MDGA2: variants seen among roughly 807,000 people sequenced by gnomAD.
The protein encoded by MDGA2 is MAM domain-containing glycosylphosphatidylinositol anchor protein 2.
Under a neutral mutation model 117.8 loss-of-function variants are expected in MDGA2, and 40 were observed. The ratio of observed to expected loss-of-function variants is 0.34; its 90% CI spans 0.26 to 0.44. The LOEUF is 0.44. MDGA2 is among the 20% of genes least tolerant of loss of function. MDGA2 has a pLI of 1.00. For synonymous variants in MDGA2, 452 were observed against 439.0 expected (o/e 1.03, Z -0.37); for missense variants, 1,123 against 1,250.6 (o/e 0.90, Z 1.54).
At chr14:47,580,215 G>A (rs1035460487) in intron 1 of MDGA2, among the ~76,000 whole-genome samples, 6 of 151,926 alleles carry the variant, frequency 3.9e-5, no homozygotes, top group Admixed American at 6.6e-5. Flanking sequence ...TATTGCTTAC[G>A]TTTCTGAGGC....
intron 3 of MDGA2, among the ~76,000 whole-genome samples, chr14:47,153,929 A>G (rs146522426): frequency 1.3e-5 from 2 of 152,294 alleles, no homozygotes; most frequent in East Asian, 3.9e-4. Flanking sequence ...GACCTTTGCC[A>G]GAGTTGTGTC....
intron 1 of MDGA2, among the ~76,000 whole-genome samples, chr14:47,507,354 A>G (rs1894534509): frequency 6.6e-6 from 1 of 152,198 alleles, no homozygotes; most frequent in South Asian, 2.1e-4. Context: ...TGATTTAAAC[A>G]TTCAGAAGAT....
chr14:47,112,361 T>C (rs1309605153), intron 5 of MDGA2, among the ~76,000 whole-genome samples: 2 of 152,176 alleles, frequency 1.3e-5, no homozygotes, highest in Non-Finnish European at 2.9e-5. Context: ...GTATTAAGCC[T>C]GGCATTCATT....
At chr14:47,392,276 T>G (rs1273974842) in intron 1 of MDGA2, among the ~76,000 whole-genome samples, 1 of 152,120 alleles carries the variant, frequency 6.6e-6, no homozygotes, top group Non-Finnish European at 1.5e-5. Flanking sequence ...TAGAAATCAT[T>G]AACTTTTATC....
rs556784596 is a variant in MDGA2, at chr14:47,218,298, T to C, written c.421-103A>G. On this transcript the variant is annotated intron_variant, in intron 2 of 16. Transcript: ENST00000399232. Reference sequence around the variant, plus strand: ...AGAGTTTGCATTTAGAGCTGCTACATTGCCTCTCCCATCAAATTATTGAAG... The same window carrying C: ...AGAGTTTGCATTTAGAGCTGCTACACTGCCTCTCCCATCAAATTATTGAAG... 109 of 948,838 alleles carry C rather than the reference T, an allele frequency of 1.1e-4. No homozygotes were observed. In the African/African-American group the frequency reaches 1.4e-3, roughly 12 times the overall value. The allele number at this position is 948,838 out of a possible 1,614,324, so 58.8% of individuals were successfully genotyped here.
At chr14:47,645,449 T>G (rs1003164940) in intron 1 of MDGA2, among the ~76,000 whole-genome samples, 12 of 151,596 alleles carry the variant, frequency 7.9e-5, no homozygotes, top group African/African-American at 2.7e-4. Context: ...TTAGCCAGGA[T>G]GGTCTCCATC....
chr14:47,612,256 ATCT>A (rs1323874977), intron 1 of MDGA2, among the ~76,000 whole-genome samples: 1 of 151,486 alleles, frequency 6.6e-6, no homozygotes, highest in Non-Finnish European at 1.5e-5. Flanking sequence ...AGATAGATAG[ATCT>A]TCTGTGTTTT....
chr14:47,552,937 T>C (rs184232464), intron 1 of MDGA2, among the ~76,000 whole-genome samples: 1 of 152,342 alleles, frequency 6.6e-6, no homozygotes, highest in Non-Finnish European at 1.5e-5. Context: ...ATCTGCTGGC[T>C]GGTTCCCTGA....
chr14:47,538,875 A>G (rs1895279009), intron 1 of MDGA2, among the ~76,000 whole-genome samples: 1 of 152,208 alleles, frequency 6.6e-6, no homozygotes, highest in South Asian at 2.1e-4. Flanking sequence ...TATATATTAT[A>G]TAAATCAGGG....
intron 1 of MDGA2, among the ~76,000 whole-genome samples, chr14:47,596,601 G>C (rs1299855837): frequency 6.6e-6 from 1 of 152,086 alleles, no homozygotes; most frequent in Non-Finnish European, 1.5e-5. Flanking sequence ...AGGGCTCCTT[G>C]TGACATAAAT....
At chr14:47,313,472 G>GTTTTA (rs1889708190) in intron 1 of MDGA2, among the ~76,000 whole-genome samples, 1 of 151,748 alleles carries the variant, frequency 6.6e-6, no homozygotes, top group South Asian at 2.1e-4. Context: ...GTTTTGTTTT[G>GTTTTA]TTTTGTAGAG....
intron 1 of MDGA2, among the ~76,000 whole-genome samples, chr14:47,533,575 A>C (rs17118873): frequency 0.046 from 7,014 of 152,260 alleles, 548 homozygotes; most frequent in African/African-American, 0.16. Context: ...CATATGGAGA[A>C]GGCTCAAAAC....
chr14:47,512,142 C>A (rs911951664), intron 1 of MDGA2, among the ~76,000 whole-genome samples: 2 of 152,148 alleles, frequency 1.3e-5, no homozygotes, highest in African/African-American at 4.8e-5. Context: ...TGCATATCAA[C>A]TGACTTAGTA....
intron 3 of MDGA2, among the ~76,000 whole-genome samples, chr14:47,211,226 C>T (rs1357046104): frequency 6.6e-6 from 1 of 152,074 alleles, no homozygotes; most frequent in East Asian, 1.9e-4. Context: ...TCAAATTTCT[C>T]ACCCATTAAA....
intron 3 of MDGA2, among the ~76,000 whole-genome samples, chr14:47,175,903 A>T (rs1008710753): frequency 6.6e-6 from 1 of 152,100 alleles, no homozygotes; most frequent in African/African-American, 2.4e-5. Context: ...AGAAAACCCC[A>T]TCGCCTCAGC....
intron 9 of MDGA2, among the ~76,000 whole-genome samples, chr14:46,950,955 T>A (rs1181289200): frequency 6.6e-6 from 1 of 152,002 alleles, no homozygotes; most frequent in East Asian, 1.9e-4. Flanking sequence ...TCCCATTTAT[T>A]CTTCAGGAAT....
rs555351882 is a variant in MDGA2 at position 47,529,600 on chromosome 14, A to G, written c.280+144917T>C. On this transcript the variant is annotated intron_variant, in intron 1 of 16. Coordinates refer to ENST00000399232, the MANE Select transcript of MDGA2 (RefSeq NM_001113498.3). ...GTAAAATTAAAAATCTCTCTTTCTA[A>G]TTTTTTTTAAACATTCTTAGTGATC... Among the ~76,000 whole-genome samples the G allele has an allele frequency of 1.9e-4, 29 of 152,130 alleles. 1 individual carries two copies. The South Asian group carries it at 6.0e-3, about 32-fold the overall frequency.
intron 7 of MDGA2, among the ~76,000 whole-genome samples, chr14:47,041,012 G>A (rs1339583616): frequency 2.0e-5 from 3 of 152,032 alleles, no homozygotes; most frequent in Non-Finnish European, 4.4e-5. Flanking sequence ...AGATAATAGA[G>A]ATAAACATAA....
intron 10 of MDGA2, among the ~76,000 whole-genome samples, chr14:46,893,734 C>T (rs549717432): frequency 6.6e-6 from 1 of 151,996 alleles, no homozygotes; most frequent in South Asian, 2.1e-4. Context: ...CTACATTATT[C>T]TTTACATAGG....
Sources: gnomAD v4.1 joint callset for allele counts (sites outside exome capture counted in the v4.1 genomes callset) on GRCh38, gnomAD v4.1.1 for gene constraint, MANE v1.5 for transcripts, NCBI Gene and HGNC (gene_info 2026-07-23, HGNC 2026-07-21) for gene names.